The following FBXO3 variants were observed in gnomAD, a reference collection of about 807,000 sequenced individuals.
FBXO3 encodes the protein F-box only protein 3.
In FBXO3, 17 loss-of-function variants were observed where a neutral mutation model predicts 64.8. The observed-to-expected ratio is 0.26, with a 90% CI of 0.18 to 0.39. The LOEUF (loss-of-function observed/expected upper bound fraction) is 0.39. FBXO3 is among the 10% of genes least tolerant of loss of function. The pLI is 1.00. For synonymous variants in FBXO3, 182 were observed against 201.6 expected (o/e 0.90, Z 0.82); for missense variants, 420 against 589.9 (o/e 0.71, Z 2.98).
intron 3 of FBXO3, among the ~76,000 whole-genome samples, chr11:33,758,858 G>A (rs1299332826): frequency 1.3e-5 from 2 of 151,774 alleles, no homozygotes; most frequent in Non-Finnish European, 2.9e-5. Flanking sequence ...CCACAATAAT[G>A]TTTTCACATT....
chr11:33,774,067 G>T, intron 1 of FBXO3: 1 of 295,252 alleles, frequency 3.4e-6, no homozygotes, highest in Non-Finnish European at 6.5e-6. Flanking sequence ...CACCTGCGGG[G>T]CCAGCGGGGG....
intron 1 of FBXO3, chr11:33,772,992 GAA>G (rs77476481): frequency 6.6e-5 from 9 of 135,546 alleles, no homozygotes; most frequent in Non-Finnish European, 6.4e-5. Flanking sequence ...TGAGCCACAG[GAA>G]AAAAAAAAAA....
chr11:33,754,565 C>T, intron 5 of FBXO3, 65 bp from the exon 6 acceptor site: 1 of 1,391,758 alleles, frequency 7.2e-7, no homozygotes, highest in African/African-American at 1.5e-5. Context: ...TGTTCATTAT[C>T]TGTATCTTTC....
intron 6 of FBXO3, chr11:33,752,983 C>T (rs1855001593): frequency 6.6e-6 from 1 of 152,202 alleles, no homozygotes; most frequent in African/African-American, 2.4e-5. Flanking sequence ...ACTTATCTGA[C>T]AGATTCCAGG....
intron 9 of FBXO3, 141 bp downstream of exon 9, chr11:33,748,636 A>G (rs1854875827): frequency 2.1e-6 from 1 of 469,580 alleles, no homozygotes; most frequent in Non-Finnish European, 3.8e-6. Context: ...TAAGTTTGCT[A>G]TTATTTCAGA....
At chr11:33,766,214 A>T (rs1018100741) in intron 3 of FBXO3, among the ~76,000 whole-genome samples, 7 of 152,330 alleles carry the variant, frequency 4.6e-5, no homozygotes, top group African/African-American at 1.4e-4. Flanking sequence ...TGAAAAAGTT[A>T]TGAGGAGCCA....
At chr11:33,746,632 T>C (rs192130289) in intron 10 of FBXO3, 2 of 774,012 alleles carry the variant, frequency 2.6e-6, no homozygotes, top group Non-Finnish European at 2.2e-6. Context: ...TTGGAGTTAC[T>C]GTTACACTTG....
At chr11:33,750,702 G>A (rs1854934861) in intron 7 of FBXO3, 41 bp from the exon 8 acceptor site, 1 of 1,567,816 alleles carries the variant, frequency 6.4e-7, no homozygotes, top group Non-Finnish European at 8.7e-7. Context: ...ATCAACTACA[G>A]GATTTAAAAG....
At chr11:33,773,619 C>T (rs559823780) in intron 1 of FBXO3, 1 of 152,402 alleles carries the variant, frequency 6.6e-6, no homozygotes, top group East Asian at 1.9e-4. Context: ...CTGGCAGCGC[C>T]ATTTCTTCCA....
At chr11:33,767,369 G>A (rs1039704900) in intron 3 of FBXO3, among the ~76,000 whole-genome samples, 9 of 152,060 alleles carry the variant, frequency 5.9e-5, no homozygotes, top group Admixed American at 2.0e-4. Context: ...GCGCGATCTC[G>A]GCTCACCGCA....
At chr11:33,768,826 G>C in intron 3 of FBXO3, 25 bp downstream of exon 3, 1 of 1,613,602 alleles carries the variant, frequency 6.2e-7, no homozygotes, top group Non-Finnish European at 8.5e-7. Flanking sequence ...TGGAAACGGG[G>C]AAAGGGACCC....
In FBXO3 at chr11:33,774,378, C is replaced by T. The variant is rs369308782; in HGVS notation, c.104+16G>A. 102 of 1,583,700 alleles carry T rather than the reference C, an allele frequency of 6.4e-5. No individual in the cohort carries two copies. Among genetic ancestry groups the T allele is most frequent in the Non-Finnish European group, 8.1e-5 (94 of 1,162,254 alleles). On this transcript the variant is annotated intron_variant, in intron 1 of 10. Transcript: ENST00000265651. Reference sequence around the variant, plus strand: ...TCCCCATGCCCCCACCCCTGCCATGCGTGTCGTCCCATTACTTGATTAGAT... The same window carrying T: ...TCCCCATGCCCCCACCCCTGCCATGTGTGTCGTCCCATTACTTGATTAGAT...
rs1025424314 is a variant in FBXO3 at position 33,750,476 on chromosome 11, G to C, written c.932+63C>G. 5.8e-6 allele frequency: 9 copies of C among 1,562,632 alleles called. No homozygotes were observed. The African/African-American group carries it at 8.1e-5, about 14-fold the overall frequency. Reference sequence around the variant, plus strand: ...ACATATCATGTCAAATGGGACAATAGCAACATGTCCATTGGATATATCCCA... The same window carrying C: ...ACATATCATGTCAAATGGGACAATACCAACATGTCCATTGGATATATCCCA... On this transcript the variant is annotated intron_variant, in intron 8 of 10. Coordinates refer to ENST00000265651, the MANE Select transcript of FBXO3 (RefSeq NM_012175.4).
At chr11:33,749,589 C>T (rs1009294233) in intron 8 of FBXO3, among the ~76,000 whole-genome samples, 7 of 152,210 alleles carry the variant, frequency 4.6e-5, no homozygotes, top group African/African-American at 7.2e-5. Flanking sequence ...GTCTTGAACT[C>T]CCAAACTCAA....
rs1406852303 is a variant in FBXO3 at position 33,743,802 on chromosome 11, T to C, written c.1240-1718A>G. 3 of 152,284 alleles carry C rather than the reference T, an allele frequency of 2.0e-5. No individual in the cohort carries two copies. The highest frequency in any genetic ancestry group is 4.4e-5 in the Non-Finnish European group (3 of 68,064). The allele number at this position is 152,284 out of a possible 1,614,324, so 9.4% of individuals were successfully genotyped here. A position where few individuals can be genotyped will look rare whatever the true frequency, so the allele number is the denominator to read the frequency against. ...GGCCTCTCCTGACACATCTTTATAT[T>C]AGAACAACCTAACAATACGTTCTTT... On this transcript the variant is annotated intron_variant, in intron 10 of 10. Coordinates refer to ENST00000265651, the MANE Select transcript of FBXO3 (RefSeq NM_012175.4). The surrounding 1 kb of genome is among the most constrained non-coding windows in gnomAD (Gnocchi z 4.6).
chr11:33,747,021 T>G, intron 10 of FBXO3, 109 bp downstream of exon 10: 1 of 1,518,982 alleles, frequency 6.6e-7, no homozygotes, highest in East Asian at 2.4e-5. Flanking sequence ...TCTCAAAATC[T>G]CTAGGGTTCT....
chr11:33,767,829 A>G (rs1324986675), intron 3 of FBXO3, among the ~76,000 whole-genome samples: 1 of 152,204 alleles, frequency 6.6e-6, no homozygotes, highest in East Asian at 1.9e-4. Flanking sequence ...CTACATACCA[A>G]GTAAATAGTA....
In FBXO3 at chr11:33,758,554, A is replaced by G. The variant is rs769946220; in HGVS notation, c.406T>C (p.Cys136Arg). Residue 136 changes from cysteine to arginine, a missense_variant, in exon 4 of 11, where the codon TGC becomes CGC. By Grantham distance (180) the Cys-to-Arg change is radical (BLOSUM62 -3). This residue lies in a region of FBXO3 where 337 missense variants were observed against 518.4 expected (regional missense o/e 0.65). Transcript: ENST00000265651. ...DLDAVEAQIG[C>R]KLPDDYRCSY... Reference sequence around the variant, plus strand: ...CATCGATAATCGTCAGGAAGCTTGCAGCCAATCTGCGCTTCCACAGCATCG... The same window carrying G: ...CATCGATAATCGTCAGGAAGCTTGCGGCCAATCTGCGCTTCCACAGCATCG... The G allele has an allele frequency of 5.6e-6, 9 of 1,610,326 alleles. No homozygotes were observed. The East Asian group carries it at 1.8e-4, about 32-fold the overall frequency.
At chr11:33,770,089 T>G (rs1855476501) in intron 2 of FBXO3, among the ~76,000 whole-genome samples, 1 of 152,202 alleles carries the variant, frequency 6.6e-6, no homozygotes, top group African/African-American at 2.4e-5. Flanking sequence ...ACTTCACATG[T>G]ATCTACTGAT....
Sources: gnomAD v4.1 joint callset for allele counts (sites outside exome capture counted in the v4.1 genomes callset) on GRCh38, gnomAD v4.1.1 for gene constraint, gnomAD v4.1.1 regional missense constraint, Gnocchi (gnomAD v3.1) non-coding constraint, MANE v1.5 for transcripts, NCBI Gene and HGNC (gene_info 2026-07-23, HGNC 2026-07-21) for gene names.